LRRC4C: variants seen among roughly 807,000 people sequenced by gnomAD.
LRRC4C encodes the protein leucine-rich repeat-containing protein 4C.
LRRC4C carries 5 observed loss-of-function variants against 33.6 expected under a neutral mutation model. The ratio of observed to expected loss-of-function variants is 0.15; its 90% confidence interval spans 0.08 to 0.31. LRRC4C has a LOEUF of 0.31. LRRC4C is among the 10% of genes least tolerant of loss of function. The pLI, the probability that LRRC4C is intolerant of heterozygous loss-of-function variation, is 1.00. For missense variants in LRRC4C, 560 were observed against 796.7 expected, an observed-to-expected ratio of 0.70 and a Z score of 3.58; for synonymous variants, 329 against 302.0, an observed-to-expected ratio of 1.09 and a Z score of -0.93.
chr11:40,293,213 G>T (rs1944317654), intron 4 of LRRC4C: 2 of 152,446 alleles, frequency 1.3e-5, no homozygotes, highest in African/African-American at 4.8e-5. Context: ...CGGGGGCGGG[G>T]GCGGGGGCGG....
chr11:41,412,402 A>C (rs1249627402), intron 1 of LRRC4C, among the ~76,000 whole-genome samples: 4 of 152,226 alleles, frequency 2.6e-5, no homozygotes, highest in African/African-American at 9.6e-5. Context: ...TGGTACAATT[A>C]ATCTCATTAA....
At chr11:40,219,068 C>T (rs765383374) in intron 5 of LRRC4C, among the ~76,000 whole-genome samples, 2 of 152,134 alleles carry the variant, frequency 1.3e-5, no homozygotes, top group Non-Finnish European at 2.9e-5. Flanking sequence ...ATGCCTTGCC[C>T]ATCCCTCACA....
intron 1 of LRRC4C, among the ~76,000 whole-genome samples, chr11:41,059,310 C>T (rs946668154): frequency 5.1e-4 from 75 of 146,582 alleles, no homozygotes; most frequent in African/African-American, 1.8e-3. Flanking sequence ...AGATACGTTC[C>T]TTATCTAACA....
At chr11:40,757,126 T>C (rs901489282) in intron 2 of LRRC4C, among the ~76,000 whole-genome samples, 8 of 152,062 alleles carry the variant, frequency 5.3e-5, no homozygotes, top group Non-Finnish European at 8.8e-5. Context: ...CTACATCTAT[T>C]GTTTGTCACT....
intron 3 of LRRC4C, among the ~76,000 whole-genome samples, chr11:40,596,584 C>A (rs1423614445): frequency 6.6e-6 from 1 of 151,864 alleles, no homozygotes; most frequent in South Asian, 2.1e-4. Context: ...ACGCTTCAAC[C>A]ATCCCCACTT....
At chr11:41,051,555 G>GAAAAAAAAAAAAAAAAAAA (rs1565337349) in intron 1 of LRRC4C, among the ~76,000 whole-genome samples, 62 of 82,718 alleles carry the variant, frequency 7.5e-4, no homozygotes, top group Non-Finnish European at 9.3e-4. Flanking sequence ...AAAAAAAAAG[G>GAAAAAAAAAAAAAAAAAAA]AAAAATTAGT....
intron 1 of LRRC4C, among the ~76,000 whole-genome samples, chr11:41,143,863 C>T (rs1467253198): frequency 4.6e-5 from 7 of 152,150 alleles, no homozygotes; most frequent in Non-Finnish European, 1.0e-4. Context: ...CAAGCGTATC[C>T]TCTGTTTATT....
At chr11:41,365,251 G>A (rs1016186857) in intron 1 of LRRC4C, among the ~76,000 whole-genome samples, 1 of 151,884 alleles carries the variant, frequency 6.6e-6, no homozygotes, top group African/African-American at 2.4e-5. Context: ...TCTAGGTTGT[G>A]TGCTCCTTAT....
At chr11:41,043,728 T>C (rs988227460) in intron 1 of LRRC4C, among the ~76,000 whole-genome samples, 1 of 152,162 alleles carries the variant, frequency 6.6e-6, no homozygotes, top group Admixed American at 6.5e-5. Flanking sequence ...CATTAAAATG[T>C]CATTTTTAAC....
chr11:40,812,663 T>C (rs1454588699), intron 2 of LRRC4C, among the ~76,000 whole-genome samples: 2 of 152,112 alleles, frequency 1.3e-5, no homozygotes, highest in Non-Finnish European at 2.9e-5. Context: ...TGTGATAAGA[T>C]ATCATATAGG....
At chr11:41,163,434 C>T (rs1010943666) in intron 1 of LRRC4C, among the ~76,000 whole-genome samples, 3 of 151,314 alleles carry the variant, frequency 2.0e-5, no homozygotes, top group Non-Finnish European at 4.4e-5. Flanking sequence ...CAGGTGTCTG[C>T]CATCACACCC....
At chr11:40,338,184 C>T (rs753156509) in intron 3 of LRRC4C, among the ~76,000 whole-genome samples, 11 of 152,126 alleles carry the variant, frequency 7.2e-5, no homozygotes, top group South Asian at 2.1e-4. Flanking sequence ...TGTTTGGAAA[C>T]GGCTTGACTT....
At chr11:40,351,908 G>A (rs1947407913) in intron 3 of LRRC4C, among the ~76,000 whole-genome samples, 1 of 151,872 alleles carries the variant, frequency 6.6e-6, no homozygotes, top group African/African-American at 2.4e-5. Flanking sequence ...GCCTATGTGT[G>A]CCTTTATAGA....
intron 1 of LRRC4C, among the ~76,000 whole-genome samples, chr11:41,334,861 G>A (rs979698485): frequency 2.7e-5 from 4 of 150,632 alleles, no homozygotes; most frequent in Non-Finnish European, 5.9e-5. Context: ...TCCAAAGAAC[G>A]AAACAAACAA....
chr11:40,180,159 A>G (rs1860865704), intron 5 of LRRC4C, among the ~76,000 whole-genome samples: 1 of 152,226 alleles, frequency 6.6e-6, no homozygotes, highest in South Asian at 2.1e-4. Context: ...AATATTTAAA[A>G]CCAGGCTTTT....
At chr11:40,887,021 C>G (rs1047660889) in intron 2 of LRRC4C, among the ~76,000 whole-genome samples, 1 of 146,360 alleles carries the variant, frequency 6.8e-6, no homozygotes, top group African/African-American at 2.6e-5. Flanking sequence ...CACACACATA[C>G]GAGAAAATAT....
chr11:40,477,408 T>C (rs1953293121), intron 3 of LRRC4C, among the ~76,000 whole-genome samples: 1 of 152,190 alleles, frequency 6.6e-6, no homozygotes, highest in South Asian at 2.1e-4. Flanking sequence ...AGGGATGATC[T>C]GGCTTTGGTA....
intron 1 of LRRC4C, among the ~76,000 whole-genome samples, chr11:41,328,034 G>GTCCT (rs1460776903): frequency 2.6e-5 from 4 of 152,126 alleles, no homozygotes; most frequent in African/African-American, 9.7e-5. Context: ...TAGGCACCAT[G>GTCCT]TCCTGGCCTC....
intron 1 of LRRC4C, among the ~76,000 whole-genome samples, chr11:41,160,886 A>C (rs1271061856): frequency 6.6e-6 from 1 of 152,150 alleles, no homozygotes; most frequent in African/African-American, 2.4e-5. Context: ...TTATGAAGAA[A>C]AGTTTTGTTT....
Sources: allele counts gnomAD v4.1 joint callset (sites outside exome capture counted in the v4.1 genomes callset), GRCh38; gene constraint gnomAD v4.1.1; transcripts MANE v1.5; gene names NCBI Gene and HGNC (gene_info 2026-07-23, HGNC 2026-07-21).